TRPC4AP: variants seen among roughly 807,000 people sequenced by gnomAD.
TRPC4AP encodes short transient receptor potential channel 4-associated protein.
A neutral mutation model predicts 99.0 loss-of-function variants in TRPC4AP; 45 were observed. The ratio of observed to expected loss-of-function variants is 0.45; its 90% CI spans 0.36 to 0.58. The LOEUF is 0.58. Among genes scored for constraint, TRPC4AP ranks in the 20% least tolerant of loss-of-function variants. The pLI, the probability that TRPC4AP is intolerant of heterozygous loss-of-function variation, is 0.00. For synonymous variants in TRPC4AP, 408 were observed against 385.8 expected (o/e 1.06, Z -0.67); for missense variants, 879 against 985.3 (o/e 0.89, Z 1.44).
chr20:35,054,028 T>A (rs1481682253), intron 5 of TRPC4AP, among the ~76,000 whole-genome samples: 1 of 152,216 alleles, frequency 6.6e-6, no homozygotes, highest in African/African-American at 2.4e-5. Flanking sequence ...ATGGTCTTCA[T>A]TTTTATATCA....
At chr20:35,009,142 G>A (rs2082577928) in intron 12 of TRPC4AP, among the ~76,000 whole-genome samples, 2 of 152,164 alleles carry the variant, frequency 1.3e-5, no homozygotes, top group African/African-American at 4.8e-5. Context: ...GCTGGCCTTG[G>A]GCAAGTGTCC....
intron 3 of TRPC4AP, among the ~76,000 whole-genome samples, chr20:35,059,639 C>A (rs895386947): frequency 2.0e-5 from 3 of 151,384 alleles, no homozygotes; most frequent in Admixed American, 6.6e-5. Context: ...GCCTGGATGG[C>A]AGGGTGAGAC....
At chr20:35,043,914 G>C (rs1482053952) in intron 7 of TRPC4AP, among the ~76,000 whole-genome samples, 5 of 152,008 alleles carry the variant, frequency 3.3e-5, no homozygotes, top group Non-Finnish European at 7.4e-5. Context: ...GCCCAGGAGA[G>C]ACTTAGTAGA....
intron 7 of TRPC4AP, among the ~76,000 whole-genome samples, chr20:35,038,793 C>T (rs899043900): frequency 6.6e-6 from 1 of 152,152 alleles, no homozygotes; most frequent in Non-Finnish European, 1.5e-5. Flanking sequence ...AATCAGTAGG[C>T]GGGGCATGGT....
At chr20:35,067,317 T>C (rs778021063) in intron 3 of TRPC4AP, among the ~76,000 whole-genome samples, 2 of 152,192 alleles carry the variant, frequency 1.3e-5, no homozygotes, top group African/African-American at 2.4e-5. Flanking sequence ...AAACGCCATC[T>C]CAGTACTTTT....
In TRPC4AP at chr20:35,011,668, C is replaced by T. The variant is rs528878575; in HGVS notation, c.1409+1340G>A. On this transcript the variant is annotated intron_variant, in intron 11 of 18. Coordinates refer to ENST00000252015, the MANE Select transcript of TRPC4AP (RefSeq NM_015638.3). ...TGACTGTGACCCACAACGTCCTGTG[C>T]AGCCCAGCCCAGAGCCAAGCCCACA... Among the ~76,000 whole-genome samples the T allele has an allele frequency of 6.2e-4, 95 of 152,170 alleles. 1 individual carries two copies. The highest frequency in any genetic ancestry group is 2.0e-3 in the African/African-American group (85 of 41,564).
chr20:35,006,692 A>G (rs1266116660), intron 14 of TRPC4AP, 117 bp from the exon 15 acceptor site: 3 of 1,344,088 alleles, frequency 2.2e-6, no homozygotes, highest in East Asian at 2.4e-5. Context: ...AACTGGCAAC[A>G]CTGTCTAGAT....
At position 35,092,767 on chromosome 20, in the gene TRPC4AP, C is replaced by A. The variant is rs1444911541; in HGVS notation, c.15G>T (p.Pro5=). 6 of 1,539,614 alleles carry A rather than the reference C, an allele frequency of 3.9e-6. No homozygotes were observed. Among genetic ancestry groups the A allele is most frequent in the Non-Finnish European group, 5.2e-6 (6 of 1,155,344 alleles). Reference sequence around the variant, plus strand: ...GGCCGGCTCCAGACCCAGCCGCTACCGGCGCCGCCGCCATGTCTCCTCGTC... The same window carrying A: ...GGCCGGCTCCAGACCCAGCCGCTACAGGCGCCGCCGCCATGTCTCCTCGTC... MAAA[P]VAAGSGAGRG... is the part of the protein sequence containing the mutation. The change falls in exon 1 of 19, where the codon CCG becomes CCT. Residue 5 remains proline (P), a synonymous_variant. Transcript: ENST00000252015.
chr20:35,061,090 C>T (rs188441382), intron 3 of TRPC4AP, among the ~76,000 whole-genome samples: 1 of 152,088 alleles, frequency 6.6e-6, no homozygotes, highest in African/African-American at 2.4e-5. Context: ...ACAGAAAATT[C>T]CTAAAGAATC....
intron 1 of TRPC4AP, among the ~76,000 whole-genome samples, chr20:35,089,529 G>T (rs2084982325): frequency 9.6e-6 from 1 of 103,952 alleles, no homozygotes; most frequent in Non-Finnish European, 2.2e-5. Context: ...AATGTACCTG[G>T]CCTATATTAT....
Position 35,049,989 on chromosome 20 carries a change from CTCTG to C in TRPC4AP, c.530_533del (p.Thr177ArgfsTer14). 4.3e-6 allele frequency: 7 copies of C among 1,613,236 alleles called. No individual in the cohort carries two copies. The highest frequency in any genetic ancestry group is 5.9e-6 in the Non-Finnish European group (7 of 1,179,660). On this transcript the variant is annotated frameshift_variant and splice_region_variant, in exon 6 of 19. Transcript: ENST00000252015. LOFTEE classifies it high-confidence loss of function. ...TTTCTGCCAAACGCTTTGTAACTCC[CTCTG>C]TCTGTCACAAGAAGAAAAGGCAGAA...
chr20:35,067,122 T>C (rs2145984842), intron 3 of TRPC4AP, among the ~76,000 whole-genome samples: 1 of 152,336 alleles, frequency 6.6e-6, no homozygotes, highest in East Asian at 1.9e-4. Flanking sequence ...AAGATGGTCA[T>C]CATTGGCAAT....
At chr20:35,067,054 G>T (rs1002660243) in intron 3 of TRPC4AP, among the ~76,000 whole-genome samples, 1 of 152,078 alleles carries the variant, frequency 6.6e-6, no homozygotes, top group Non-Finnish European at 1.5e-5. Context: ...CTAAGAAATT[G>T]AAAAAGGAGA....
intron 7 of TRPC4AP, among the ~76,000 whole-genome samples, chr20:35,043,772 T>C (rs908934226): frequency 6.6e-6 from 1 of 152,226 alleles, no homozygotes; most frequent in Non-Finnish European, 1.5e-5. Flanking sequence ...GTTATACGAA[T>C]GTGGTCTCTC....
intron 10 of TRPC4AP, 35 bp from the exon 11 acceptor site, chr20:35,013,101 C>T (rs1341091598): frequency 1.9e-6 from 3 of 1,610,714 alleles, no homozygotes; most frequent in Non-Finnish European, 2.5e-6. Context: ...GTTAGGACCA[C>T]AGCCACAAGG....
intron 11 of TRPC4AP, among the ~76,000 whole-genome samples, chr20:35,010,885 T>C (rs2082620338): frequency 6.6e-6 from 1 of 152,202 alleles, no homozygotes; most frequent in Non-Finnish European, 1.5e-5. Context: ...AGCTTCCCAC[T>C]GCATTTAGAA....
Position 35,044,505 on chromosome 20 carries a change from C to A in TRPC4AP, c.865G>T (p.Ala289Ser). The change falls in exon 7 of 19, where the codon GCG (alanine) becomes TCG (serine). Residue 289 changes from alanine (A) to serine (S), a missense_variant and splice_region_variant. By Grantham distance (99) the Ala-to-Ser change is moderately conservative (BLOSUM62 1). This residue lies in a region of TRPC4AP where 603 missense variants were observed against 631.8 expected (regional missense o/e 0.95). Transcript: ENST00000252015. ...AATTCTGAGAACTTGGAGACTTTAC[C>A]TTGATTGATTTCAGCTGCAGAAGGC... ...LGPSAAEINQ[A>S]ALLSIPGFVE... 6.2e-7 allele frequency: 1 copy of A among 1,613,622 alleles called. No individual in the cohort carries two copies. Among genetic ancestry groups the A allele is most frequent in the Non-Finnish European group, 8.5e-7 (1 of 1,179,672 alleles).
intron 12 of TRPC4AP, among the ~76,000 whole-genome samples, chr20:35,009,512 G>A (rs938310028): frequency 6.6e-6 from 1 of 152,104 alleles, no homozygotes; most frequent in African/African-American, 2.4e-5. Context: ...TGGGAATGGT[G>A]GCGCACACCT....
intron 2 of TRPC4AP, among the ~76,000 whole-genome samples, chr20:35,077,698 A>AT: frequency 6.6e-6 from 1 of 152,196 alleles, no homozygotes; most frequent in Non-Finnish European, 1.5e-5. Context: ...CTCTTCCACG[A>AT]GCCTTCAGCA....
Sources: gnomAD v4.1 joint callset for allele counts (sites outside exome capture counted in the v4.1 genomes callset) on GRCh38, gnomAD v4.1.1 for gene constraint, gnomAD v4.1.1 regional missense constraint, MANE v1.5 for transcripts, NCBI Gene and HGNC (gene_info 2026-07-23, HGNC 2026-07-21) for gene names.